Variants in ITGA1 observed in about 807,000 individuals in gnomAD.
ITGA1 encodes the protein integrin alpha-1.
A neutral mutation model predicts 145.9 loss-of-function variants in ITGA1; 85 were observed. That is an observed-to-expected ratio of 0.58 (90% CI 0.49 to 0.70). ITGA1 has a LOEUF of 0.70. Ranked by LOEUF, ITGA1 falls within the 30% of genes least tolerant of loss-of-function variation. The probability of loss-of-function intolerance (pLI) is 0.00; values close to 1 mark genes in which losing one functional copy is unlikely to be tolerated. For synonymous variants in ITGA1, 520 were observed against 495.3 expected, an observed-to-expected ratio of 1.05 and a Z score of -0.66; for missense variants, 1,351 against 1,418.7, an observed-to-expected ratio of 0.95 and a Z score of 0.77.
intron 14 of ITGA1, among the ~76,000 whole-genome samples, chr5:52,911,985 A>ATTTAG (rs1356410454): frequency 2.4e-3 from 215 of 90,520 alleles, no homozygotes; most frequent in African/African-American, 0.011. Context: ...TATATACTAT[A>ATTTAG]TGTATAGTGT....
chr5:52,910,943 C>A (rs1292781026), intron 14 of ITGA1, among the ~76,000 whole-genome samples: 1 of 133,516 alleles, frequency 7.5e-6, no homozygotes, highest in Admixed American at 7.9e-5. Flanking sequence ...GGTATGTATA[C>A]TGTATATAGT....
In ITGA1 at chr5:52,957,445, T is replaced by C. The variant is rs1362318496; in HGVS notation, c.*4994T>C. 2 of 152,152 alleles carry C rather than the reference T, an allele frequency of 1.3e-5. No individual in the cohort carries two copies. The highest frequency in any genetic ancestry group is 4.8e-5 in the African/African-American group (2 of 41,430). The allele number at this position is 152,152 out of a possible 1,614,324, so 9.4% of individuals were successfully genotyped here. A position where few individuals can be genotyped will look rare whatever the true frequency, so the allele number is the denominator to read the frequency against. On this transcript the variant is annotated 3_prime_UTR_variant, in exon 29 of 29. Coordinates refer to ENST00000282588, the MANE Select transcript of ITGA1 (RefSeq NM_181501.2). ...TGGACTCCTTGCTTTGAGATCGGTATTTTTTTCTCTCTCTTTACATATAGC... is the reference window on the plus strand; with the variant it reads ...TGGACTCCTTGCTTTGAGATCGGTACTTTTTTCTCTCTCTTTACATATAGC...
chr5:52,878,610 C>T (rs772859269), intron 6 of ITGA1, among the ~76,000 whole-genome samples: 1 of 152,190 alleles, frequency 6.6e-6, no homozygotes, highest in African/African-American at 2.4e-5. Context: ...AGTGAGATAA[C>T]CCTTTTTCCC....
intron 1 of ITGA1, among the ~76,000 whole-genome samples, chr5:52,835,793 A>C (rs1487813006): frequency 2.0e-5 from 3 of 152,188 alleles, no homozygotes; most frequent in Non-Finnish European, 4.4e-5. Flanking sequence ...GATTCAAATC[A>C]CAACTTAAAA....
intron 2 of ITGA1, among the ~76,000 whole-genome samples, chr5:52,858,796 A>C (rs968536366): frequency 3.9e-5 from 6 of 152,216 alleles, no homozygotes. Flanking sequence ...ACCTAATAAT[A>C]ATAAGAACTA....
At position 52,799,480 on chromosome 5, in the gene ITGA1, C is replaced by G. The variant is rs1748409817; in HGVS notation, c.61+11066C>G. 2.0e-5 allele frequency among the ~76,000 whole-genome samples: 3 copies of G among 152,218 alleles called. No homozygotes were observed. The South Asian group carries it at 6.2e-4, about 31-fold the overall frequency. On this transcript the variant is annotated intron_variant, in intron 1 of 28. Coordinates refer to ENST00000282588, the MANE Select transcript of ITGA1 (RefSeq NM_181501.2). ...TTGGAGCCTAGGATTCCCAGGACAT[C>G]AGGTCAAGCAACTGAGAGGTCCACC...
At chr5:52,847,080 TG>T (rs1368821649) in intron 1 of ITGA1, among the ~76,000 whole-genome samples, 5 of 152,254 alleles carry the variant, frequency 3.3e-5, no homozygotes, top group African/African-American at 7.2e-5. Flanking sequence ...TTTTCCAATT[TG>T]GGGGGAAAAA....
At chr5:52,800,874 G>A (rs766192469) in intron 1 of ITGA1, 2 of 1,612,222 alleles carry the variant, frequency 1.2e-6, no homozygotes, top group Non-Finnish European at 1.7e-6. Context: ...CCCTCACTCG[G>A]GCCAAGGTGG....
At position 52,887,960 on chromosome 5, in the gene ITGA1, A is replaced by T; in HGVS notation, c.919A>T (p.Ile307Leu). The change falls in exon 8 of 29, where the codon ATA becomes TTA. Residue 307 changes from isoleucine (I) to leucine (L), a missense_variant. Physicochemically the swap from Ile to Leu is conservative, Grantham distance 5 (BLOSUM62 2). Coordinates refer to ENST00000282588, the MANE Select transcript of ITGA1 (RefSeq NM_181501.2). ...CEDENIQRFS[I>L]AILGSYNRGN... ...AGATGAAAACATTCAACGGTTTTCC[A>T]TAGCTGTAAGTGTGTTGCCGGAGAT... 6.2e-7 allele frequency: 1 copy of T among 1,613,228 alleles called. No individual in the cohort carries two copies. Among genetic ancestry groups the T allele is most frequent in the Non-Finnish European group, 8.5e-7 (1 of 1,179,356 alleles).
intron 3 of ITGA1, 21 bp downstream of exon 3, chr5:52,861,580 C>G: frequency 6.6e-7 from 1 of 1,521,646 alleles, no homozygotes; most frequent in Non-Finnish European, 9.1e-7. Flanking sequence ...TTAAAAAAAT[C>G]TGGTTTTAGG....
chr5:52,859,729 T>C (rs1243933909), intron 2 of ITGA1, among the ~76,000 whole-genome samples: 2 of 152,196 alleles, frequency 1.3e-5, no homozygotes, highest in Non-Finnish European at 2.9e-5. Context: ...TCCCCAACTT[T>C]CCCAGCATCT....
chr5:52,921,738 A>C (rs2111873839), intron 17 of ITGA1, among the ~76,000 whole-genome samples: 1 of 152,280 alleles, frequency 6.6e-6, no homozygotes, highest in Middle Eastern at 3.4e-3. Context: ...AGCACTTTGA[A>C]ATTTGTTCTG....
intron 1 of ITGA1, among the ~76,000 whole-genome samples, chr5:52,819,749 T>C (rs550126973): frequency 1.0e-3 from 153 of 152,324 alleles, no homozygotes; most frequent in African/African-American, 3.6e-3. Flanking sequence ...TGGTATTGCC[T>C]AGGTTTTCTT....
At chr5:52,807,573 T>C (rs996248791) in intron 1 of ITGA1, among the ~76,000 whole-genome samples, 2 of 152,100 alleles carry the variant, frequency 1.3e-5, no homozygotes, top group Admixed American at 6.5e-5. Flanking sequence ...AAAATAAAAA[T>C]AAATTATTTG....
chr5:52,872,575 A>ATTTTTTTTTTTTTTTTTTT (rs58664401), intron 6 of ITGA1, among the ~76,000 whole-genome samples: 11 of 98,364 alleles, frequency 1.1e-4, no homozygotes, highest in East Asian at 4.4e-4. Context: ...GCCTCAGTCA[A>ATTTTTTTTTTTTTTTTTTT]TTTTTTTTTT....
intron 26 of ITGA1, among the ~76,000 whole-genome samples, chr5:52,943,023 G>C (rs1751077825): frequency 6.6e-6 from 1 of 152,136 alleles, no homozygotes; most frequent in African/African-American, 2.4e-5. Context: ...GTGGAAAAAA[G>C]ATAGCTTGAC....
intron 1 of ITGA1, among the ~76,000 whole-genome samples, chr5:52,842,994 G>A (rs1466568522): frequency 6.6e-6 from 1 of 151,950 alleles, no homozygotes; most frequent in Non-Finnish European, 1.5e-5. Context: ...GCCTGGCTTA[G>A]CATCATCTTT....
chr5:52,884,401 C>T (rs930990164), intron 7 of ITGA1, among the ~76,000 whole-genome samples: 5 of 150,100 alleles, frequency 3.3e-5, no homozygotes, highest in African/African-American at 9.8e-5. Flanking sequence ...GAGCCAAGAT[C>T]GTGCCACTGC....
chr5:52,857,798 G>A (rs1172699671), intron 2 of ITGA1, among the ~76,000 whole-genome samples: 2 of 152,078 alleles, frequency 1.3e-5, no homozygotes, highest in African/African-American at 4.8e-5. Context: ...GCTCATACAT[G>A]TTCCACATGG....
Sources: allele counts gnomAD v4.1 joint callset (sites outside exome capture counted in the v4.1 genomes callset), GRCh38; gene constraint gnomAD v4.1.1; transcripts MANE v1.5; gene names NCBI Gene and HGNC (gene_info 2026-07-23, HGNC 2026-07-21).